CDS2: variants seen among roughly 807,000 people sequenced by gnomAD.
CDS2 encodes CDP-diacylglycerol synthase 2.
Under a neutral mutation model 59.0 loss-of-function variants are expected in CDS2, and 47 were observed. The observed-to-expected ratio is 0.80, with a 90% CI of 0.63 to 1.02. CDS2 has a LOEUF of 1.02. Among genes scored for constraint, CDS2 ranks in the 50% least tolerant of loss-of-function variants. CDS2 has a pLI of 0.00. For missense variants in CDS2, 356 were observed against 558.9 expected, an observed-to-expected ratio of 0.64 and a Z score of 3.66; for synonymous variants, 207 against 206.4, an observed-to-expected ratio of 1.00 and a Z score of -0.02.
At chr20:5,134,458 A>G (rs113686675) in intron 1 of CDS2, among the ~76,000 whole-genome samples, 1 of 152,276 alleles carries the variant, frequency 6.6e-6, no homozygotes, top group African/African-American at 2.4e-5. Flanking sequence ...TTTTTTCCCT[A>G]CTGATTTAAA....
chr20:5,139,484 G>A (rs6085010), intron 1 of CDS2, among the ~76,000 whole-genome samples: 78,374 of 152,048 alleles, frequency 0.52, 21,081 homozygotes, highest in African/African-American at 0.65. Flanking sequence ...TTCTATATGT[G>A]AGACCATGCC....
intron 1 of CDS2, among the ~76,000 whole-genome samples, chr20:5,141,736 A>G (rs2090695782): frequency 7.9e-5 from 12 of 152,132 alleles, no homozygotes; most frequent in Admixed American, 7.9e-4. Flanking sequence ...TGAGCTCTCA[A>G]CCTGTGGTTT....
intron 1 of CDS2, among the ~76,000 whole-genome samples, chr20:5,143,159 AGAT>A (rs1283461390): frequency 6.6e-6 from 1 of 152,162 alleles, no homozygotes; most frequent in Non-Finnish European, 1.5e-5. Flanking sequence ...TGGGCACTTC[AGAT>A]GATCAATAAA....
intron 1 of CDS2, among the ~76,000 whole-genome samples, chr20:5,139,743 A>T (rs543705002): frequency 4.0e-5 from 6 of 149,412 alleles, no homozygotes; most frequent in Admixed American, 1.3e-4. Context: ...TACTTAATTT[A>T]TTGAGAGTTT....
chr20:5,190,321 A>G lies in CDS2; in HGVS notation c.*87A>G, dbSNP rs949831940. The G allele has an allele frequency of 1.8e-5, 22 of 1,221,066 alleles. No individual in the cohort carries two copies. Among genetic ancestry groups the G allele is most frequent in the Non-Finnish European group, 2.5e-5 (22 of 893,596 alleles). The allele number at this position is 1,221,066 out of a possible 1,614,324, so 75.6% of individuals were successfully genotyped here. On this transcript the variant is annotated 3_prime_UTR_variant, in exon 13 of 13. Transcript: ENST00000460006. ...CCCAGCTGGTGTGACTTAGACAATGACGAGGCTTCAACTCACTGTCTTTTT... is the reference window on the plus strand; with the variant it reads ...CCCAGCTGGTGTGACTTAGACAATGGCGAGGCTTCAACTCACTGTCTTTTT...
Position 5,175,262 on chromosome 20 carries a change from A to G in CDS2, c.274A>G (p.Met92Val), listed in dbSNP as rs1318446334. The change falls in exon 3 of 13, where the codon ATG becomes GTG. Residue 92 changes from methionine to valine, a missense_variant. By Grantham distance (21) the Met-to-Val change is conservative. Transcript: ENST00000460006. ...FFFIIIYLGP[M>V]VLMIIVMCVQ... The stretch of plus-strand genomic sequence containing the variant: ...CTTCATCATCATTTACCTGGGACCA[A>G]TGGTTTTGATGATAATCGTAAGTGC... The G allele has an allele frequency of 5.6e-6, 9 of 1,613,664 alleles. No individual in the cohort carries two copies. The highest frequency in any genetic ancestry group is 5.3e-5 in the African/African-American group (4 of 74,902).
chr20:5,159,306 C>T (rs960237956), intron 1 of CDS2, among the ~76,000 whole-genome samples: 2 of 128,924 alleles, frequency 1.6e-5, no homozygotes, highest in Non-Finnish European at 3.3e-5. Context: ...AGGTATTTCT[C>T]CTAATGCTTT....
At chr20:5,182,976 C>G in intron 6 of CDS2, 85 bp from the exon 7 acceptor site, 1 of 1,070,332 alleles carries the variant, frequency 9.3e-7, no homozygotes, top group Non-Finnish European at 1.4e-6. Flanking sequence ...TGCTTCTCAG[C>G]AGTTTTCTAT....
intron 1 of CDS2, among the ~76,000 whole-genome samples, chr20:5,151,202 T>C (rs6116661): frequency 0.048 from 7,295 of 152,268 alleles, 600 homozygotes; most frequent in African/African-American, 0.17. Flanking sequence ...TACATTGACA[T>C]ATGATATACT....
At chr20:5,149,825 C>T (rs1387412884) in intron 1 of CDS2, among the ~76,000 whole-genome samples, 1 of 152,086 alleles carries the variant, frequency 6.6e-6, no homozygotes, top group Non-Finnish European at 1.5e-5. Context: ...AAGTGATTCT[C>T]CTGCCTTAGC....
At chr20:5,135,720 T>G (rs1013606135) in intron 1 of CDS2, among the ~76,000 whole-genome samples, 3 of 152,174 alleles carry the variant, frequency 2.0e-5, no homozygotes, top group Non-Finnish European at 4.4e-5. Flanking sequence ...AGGGATGGCA[T>G]TGAGCCCACT....
In CDS2 at chr20:5,173,589, G is replaced by T. The variant is rs150527816; in HGVS notation, c.124G>T (p.Ala42Ser). ...GGACAGTGAGAGCCGGGCAGAATCCGCACCCCTGCCAGTCTCTGCAGATGA... is the reference window on the plus strand; with the variant it reads ...GGACAGTGAGAGCCGGGCAGAATCCTCACCCCTGCCAGTCTCTGCAGATGA... ...ASDSESRAES[A>S]PLPVSADDTP... Residue 42 changes from alanine to serine, a missense_variant, in exon 2 of 13, where the codon GCA becomes TCA. This residue lies in a region of CDS2 where 107 missense variants were observed against 129.7 expected (regional missense o/e 0.82). Transcript: ENST00000460006. 5 of 1,614,022 alleles carry T rather than the reference G, an allele frequency of 3.1e-6. No individual in the cohort carries two copies. Among genetic ancestry groups the T allele is most frequent in the Non-Finnish European group, 4.2e-6 (5 of 1,179,970 alleles).
chr20:5,138,987 A>G (rs2090671050), intron 1 of CDS2, among the ~76,000 whole-genome samples: 1 of 152,208 alleles, frequency 6.6e-6, no homozygotes, highest in Non-Finnish European at 1.5e-5. Flanking sequence ...ACATCACACT[A>G]CCTGATTTCA....
At chr20:5,142,526 G>T (rs1484354016) in intron 1 of CDS2, among the ~76,000 whole-genome samples, 2 of 152,052 alleles carry the variant, frequency 1.3e-5, no homozygotes, top group Non-Finnish European at 2.9e-5. Flanking sequence ...TAAAGAGAAA[G>T]AATTGAAGTT....
At chr20:5,189,447 C>G (rs1244703447) in intron 11 of CDS2, among the ~76,000 whole-genome samples, 1 of 152,078 alleles carries the variant, frequency 6.6e-6, no homozygotes, top group Admixed American at 6.5e-5. Flanking sequence ...GTCTGTAACC[C>G]CAGCACTTTA....
At chr20:5,152,120 C>CT (rs1002997758) in intron 1 of CDS2, among the ~76,000 whole-genome samples, 4 of 151,320 alleles carry the variant, frequency 2.6e-5, no homozygotes, top group African/African-American at 9.7e-5. Context: ...AGGCAATGAT[C>CT]TTTTAAAATA....
In CDS2 at chr20:5,173,617, C is replaced by G; in HGVS notation, c.152C>G (p.Thr51Ser). 6.2e-7 allele frequency: 1 copy of G among 1,614,200 alleles called. No homozygotes were observed. The highest frequency in any genetic ancestry group is 8.5e-7 in the Non-Finnish European group (1 of 1,180,026). Residue 51 changes from threonine to serine, a missense_variant, in exon 2 of 13, where the codon ACC (threonine) becomes AGC (serine). Physicochemically the swap from Thr to Ser is moderately conservative, Grantham distance 58. Transcript: ENST00000460006. ...CCCCTGCCAGTCTCTGCAGATGATA[C>G]CCCGGAGGTCCTCAATAGGGCCCTT... is the stretch of plus-strand genomic sequence containing the variant. ...SAPLPVSADD[T>S]PEVLNRALSN...
chr20:5,158,824 A>G (rs2090854026), intron 1 of CDS2, among the ~76,000 whole-genome samples: 1 of 152,174 alleles, frequency 6.6e-6, no homozygotes, highest in East Asian at 1.9e-4. Context: ...CTCATTTGTC[A>G]GAGATATATG....
chr20:5,138,293 A>G (rs536907454), intron 1 of CDS2, among the ~76,000 whole-genome samples: 22 of 151,980 alleles, frequency 1.4e-4, no homozygotes, highest in African/African-American at 3.1e-4. Flanking sequence ...ATAGGGTTCT[A>G]GTTTCACTCT....
Sources: gnomAD v4.1 joint callset for allele counts (sites outside exome capture counted in the v4.1 genomes callset) on GRCh38, gnomAD v4.1.1 for gene constraint, gnomAD v4.1.1 regional missense constraint, MANE v1.5 for transcripts, NCBI Gene and HGNC (gene_info 2026-07-23, HGNC 2026-07-21) for gene names.